Variants in MCF2L2 observed in about 807,000 individuals in gnomAD.
The protein encoded by MCF2L2 is MCF.2 cell line derived transforming sequence-like 2, also known as probable guanine nucleotide exchange factor MCF2L2.
In MCF2L2, 102 loss-of-function variants were observed where a neutral mutation model predicts 150.2. The ratio of observed to expected loss-of-function variants is 0.68; its 90% CI spans 0.58 to 0.80. The LOEUF is 0.80. MCF2L2 is among the 30% of genes least tolerant of loss of function. The pLI, the probability that MCF2L2 is intolerant of heterozygous loss-of-function variation, is 0.00. For synonymous variants in MCF2L2, 465 were observed against 491.3 expected (o/e 0.95, Z 0.71); for missense variants, 1,256 against 1,372.8 (o/e 0.91, Z 1.34).
At chr3:183,311,204 C>G (rs1465329502) in intron 8 of MCF2L2, among the ~76,000 whole-genome samples, 175 bp from the exon 9 acceptor site, 1 of 152,140 alleles carries the variant, frequency 6.6e-6, no homozygotes, top group Admixed American at 6.5e-5. Context: ...AGGCTTTGCA[C>G]CTTTCATTTT....
Position 183,335,693 on chromosome 3 carries a change from C to A in MCF2L2, c.486+3107G>T, listed in dbSNP as rs548248087. On this transcript the variant is annotated intron_variant, in intron 5 of 29. Coordinates refer to ENST00000328913, the MANE Select transcript of MCF2L2 (RefSeq NM_015078.4). ...GACCAGTCTGGGCAACACAGCAAAACCCCCTCTCTAAAAAAAATTAAAAAA... is the reference window on the plus strand; with the variant it reads ...GACCAGTCTGGGCAACACAGCAAAAACCCCTCTCTAAAAAAAATTAAAAAA... Among the ~76,000 whole-genome samples the A allele has an allele frequency of 5.1e-5, 7 of 137,994 alleles. No homozygotes were observed. In the South Asian group the frequency reaches 1.5e-3, roughly 30 times the overall value. 90.5% of individuals were successfully genotyped at this position (137,994 alleles called of 152,430 possible). A position where few individuals can be genotyped will look rare whatever the true frequency, so the allele number is the denominator to read the frequency against.
chr3:183,206,995 A>G (rs141250354), intron 23 of MCF2L2, among the ~76,000 whole-genome samples: 4,868 of 100,160 alleles, frequency 0.049, 134 homozygotes, highest in Middle Eastern at 0.084. Context: ...GGGAGGAAGG[A>G]AGGGAGGGAG....
intron 3 of MCF2L2, among the ~76,000 whole-genome samples, chr3:183,345,445 T>C (rs999798236): frequency 2.0e-5 from 3 of 152,004 alleles, no homozygotes; most frequent in Non-Finnish European, 4.4e-5. Flanking sequence ...TTTGTAGCAC[T>C]AAATGCCCAC....
At chr3:183,214,556 C>G (rs1312261166) in intron 22 of MCF2L2, among the ~76,000 whole-genome samples, 1 of 151,928 alleles carries the variant, frequency 6.6e-6, no homozygotes, top group African/African-American at 2.4e-5. Context: ...AAAGAAAAGT[C>G]ATTTCCTCTA....
rs540729678 is a variant in MCF2L2 at position 183,277,337 on chromosome 3, C to CAA, written c.1777-382_1777-381dup. ...CAGCAACAGAGCGAGATGCCATATCCAAAAAAAAAAAAAAAAGCAGGTGTC... is the reference window on the plus strand; with the variant it reads ...CAGCAACAGAGCGAGATGCCATATCCAAAAAAAAAAAAAAAAAAGCAGGTGTC... On this transcript the variant is annotated intron_variant, in intron 14 of 29. Transcript: ENST00000328913. Among the ~76,000 whole-genome samples, 453 of 105,880 alleles carry CAA rather than the reference C, an allele frequency of 4.3e-3. 6 individuals carry two copies. The highest frequency in any genetic ancestry group is 0.013 in the African/African-American group (395 of 29,564). The allele number at this position is 105,880 out of a possible 152,430, so 69.5% of individuals were successfully genotyped here. A position where few individuals can be genotyped will look rare whatever the true frequency, so the allele number is the denominator to read the frequency against.
At chr3:183,229,634 C>T in intron 17 of MCF2L2, 32 bp downstream of exon 17, 1 of 991,872 alleles carries the variant, frequency 1.0e-6, no homozygotes, top group South Asian at 1.5e-5. Flanking sequence ...TCTTACTCTC[C>T]ATTCTTTCTG....
intron 3 of MCF2L2, among the ~76,000 whole-genome samples, chr3:183,370,757 T>TACAATTTACTTACG (rs1223937773): frequency 1.3e-5 from 2 of 152,230 alleles, no homozygotes; most frequent in East Asian, 3.8e-4. Context: ...TGCCCTTTAC[T>TACAATTTACTTACG]ACAATTTACT....
intron 14 of MCF2L2, among the ~76,000 whole-genome samples, chr3:183,279,101 T>C (rs547289969): frequency 5.3e-5 from 8 of 152,258 alleles, no homozygotes; most frequent in Admixed American, 3.9e-4. Flanking sequence ...GACAGATTAG[T>C]TGTGTTCTAG....
chr3:183,313,654 A>C (rs1409149287), intron 7 of MCF2L2, among the ~76,000 whole-genome samples: 2 of 152,196 alleles, frequency 1.3e-5, no homozygotes, highest in African/African-American at 4.8e-5. Flanking sequence ...TTTCCATGGA[A>C]AGAAAATAAA....
At chr3:183,415,060 T>C (rs944992807) in intron 1 of MCF2L2, among the ~76,000 whole-genome samples, 4 of 152,234 alleles carry the variant, frequency 2.6e-5, no homozygotes, top group Non-Finnish European at 5.9e-5. Flanking sequence ...TATTCTGTGT[T>C]GGGTCTGGTT....
intron 25 of MCF2L2, among the ~76,000 whole-genome samples, chr3:183,196,828 G>C (rs1722098530): frequency 6.6e-6 from 1 of 152,052 alleles, no homozygotes; most frequent in Non-Finnish European, 1.5e-5. Context: ...GCTGGGTCCT[G>C]GTTTTGCTTC....
At chr3:183,396,009 G>A (rs12486819) in intron 1 of MCF2L2, among the ~76,000 whole-genome samples, 37,882 of 144,150 alleles carry the variant, frequency 0.26, 5,791 homozygotes, top group Non-Finnish European at 0.36. Context: ...TCGTGGCACC[G>A]CCTGCCCAGA....
At chr3:183,343,071 A>G (rs1438467794) in intron 3 of MCF2L2, among the ~76,000 whole-genome samples, 1 of 152,188 alleles carries the variant, frequency 6.6e-6, no homozygotes, top group African/African-American at 2.4e-5. Context: ...GAGGTGAGAG[A>G]ATGTATTGTC....
At chr3:183,189,244 G>C (rs139199017) in intron 27 of MCF2L2, among the ~76,000 whole-genome samples, 1 of 152,228 alleles carries the variant, frequency 6.6e-6, no homozygotes, top group African/African-American at 2.4e-5. Context: ...GTGCCTAAGA[G>C]GAAGTGCACT....
At chr3:183,207,265 G>A (rs1006400879) in intron 23 of MCF2L2, among the ~76,000 whole-genome samples, 1 of 152,190 alleles carries the variant, frequency 6.6e-6, no homozygotes, top group South Asian at 2.1e-4. Flanking sequence ...AGAAGGACAA[G>A]TCTAAGATGA....
chr3:183,397,361 G>T (rs1428140844), intron 1 of MCF2L2, among the ~76,000 whole-genome samples: 2 of 152,190 alleles, frequency 1.3e-5, no homozygotes, highest in African/African-American at 4.8e-5. Flanking sequence ...AGGGCGAAAG[G>T]GGTGTACACT....
intron 13 of MCF2L2, 103 bp from the exon 14 acceptor site, chr3:183,289,323 C>G: frequency 2.7e-6 from 2 of 734,154 alleles, no homozygotes; most frequent in Non-Finnish European, 4.6e-6. Flanking sequence ...ATGTGGCTAA[C>G]TATAAAAGCT....
chr3:183,215,327 C>A (rs913496816), intron 22 of MCF2L2, among the ~76,000 whole-genome samples: 1 of 151,898 alleles, frequency 6.6e-6, no homozygotes, highest in Non-Finnish European at 1.5e-5. Flanking sequence ...AAGTAAAAAA[C>A]AAAACAAGTC....
chr3:183,311,528 C>A, intron 8 of MCF2L2, 120 bp downstream of exon 8: 2 of 1,102,104 alleles, frequency 1.8e-6, no homozygotes, highest in Non-Finnish European at 2.6e-6. Flanking sequence ...CTCAAATATT[C>A]TTCTTCCTTG....
Sources: allele counts gnomAD v4.1 joint callset (sites outside exome capture counted in the v4.1 genomes callset), GRCh38; gene constraint gnomAD v4.1.1; transcripts MANE v1.5; gene names NCBI Gene and HGNC (gene_info 2026-07-23, HGNC 2026-07-21).